Variants in UGT2B7 observed in about 807,000 individuals in gnomAD.
The protein encoded by UGT2B7 is UDP-glucuronosyltransferase 2B7.
Under a neutral mutation model 51.9 loss-of-function variants are expected in UGT2B7, and 51 were observed. That is an observed-to-expected ratio of 0.98 (90% CI 0.78 to 1.24). UGT2B7 has a LOEUF of 1.24. UGT2B7 is among the 50% of genes most tolerant of loss of function. UGT2B7 has a pLI of 0.00. For missense variants in UGT2B7, 727 were observed against 628.4 expected, an observed-to-expected ratio of 1.16 and a Z score of -1.68; for synonymous variants, 225 against 211.6, an observed-to-expected ratio of 1.06 and a Z score of -0.55.
chr4:69,060,928 C>T (rs902943899), intron 1 of UGT2B7, among the ~76,000 whole-genome samples: 3 of 152,164 alleles, frequency 2.0e-5, no homozygotes, highest in Non-Finnish European at 2.9e-5. Flanking sequence ...GCCAGGAAGC[C>T]CCCTTCATTG....
At chr4:69,102,961 T>C in intron 3 of UGT2B7, 23 bp downstream of exon 3, 1 of 1,604,048 alleles carries the variant, frequency 6.2e-7, no homozygotes, top group Non-Finnish European at 8.5e-7. Flanking sequence ...GCCTTACTGG[T>C]GTGGAAAACT....
chr4:69,087,134 C>G (rs181403504), intron 1 of UGT2B7, among the ~76,000 whole-genome samples: 2 of 151,738 alleles, frequency 1.3e-5, no homozygotes, highest in Admixed American at 6.6e-5. Flanking sequence ...CTCTCTGTCT[C>G]TCTCTCTCTG....
intron 1 of UGT2B7, among the ~76,000 whole-genome samples, chr4:69,078,800 G>A (rs1301585043): frequency 6.6e-6 from 1 of 152,090 alleles, no homozygotes; most frequent in African/African-American, 2.4e-5. Flanking sequence ...TATGGAAGGT[G>A]GGGACAAGTG....
intron 1 of UGT2B7, among the ~76,000 whole-genome samples, chr4:69,085,408 G>A (rs1042725061): frequency 1.3e-5 from 2 of 152,062 alleles, no homozygotes; most frequent in African/African-American, 4.8e-5. Flanking sequence ...CTCCCTTTCT[G>A]TAGGTTTCCT....
At chr4:69,086,819 A>T (rs1577916682) in intron 1 of UGT2B7, among the ~76,000 whole-genome samples, 1 of 151,820 alleles carries the variant, frequency 6.6e-6, no homozygotes, top group Non-Finnish European at 1.5e-5. Context: ...CATGAAACAA[A>T]TTTTTCTATT....
intron 5 of UGT2B7, among the ~76,000 whole-genome samples, chr4:69,108,912 G>A (rs1010426332): frequency 2.6e-5 from 4 of 151,928 alleles, no homozygotes; most frequent in African/African-American, 4.8e-5. Context: ...TCCTATGACC[G>A]CTTAGCCCTG....
intron 5 of UGT2B7, among the ~76,000 whole-genome samples, chr4:69,108,888 A>T (rs1180717713): frequency 6.6e-6 from 1 of 152,096 alleles, no homozygotes; most frequent in Non-Finnish European, 1.5e-5. Flanking sequence ...AACTGCAATG[A>T]CACAGAAGTC....
intron 1 of UGT2B7, among the ~76,000 whole-genome samples, chr4:69,074,541 T>C (rs1425361972): frequency 6.6e-6 from 1 of 151,656 alleles, no homozygotes; most frequent in Admixed American, 6.6e-5. Flanking sequence ...TTTCCTCATA[T>C]GGTTTTCTTG....
At chr4:69,098,722 C>A in intron 2 of UGT2B7, 34 bp downstream of exon 2, 1 of 1,599,176 alleles carries the variant, frequency 6.3e-7, no homozygotes, top group Non-Finnish European at 8.5e-7. Context: ...ATTTTGTTGG[C>A]TTTGAATTTT....
Position 69,097,177 on chromosome 4 carries a change from C to T in UGT2B7, c.657C>T (p.Tyr219=). ...TAAAAAATATGATCTATGTGCTTTACTTTGACTTTTGGTTCGAAATATTTG... is the reference window on the plus strand; with the variant it reads ...TAAAAAATATGATCTATGTGCTTTATTTTGACTTTTGGTTCGAAATATTTG... The part of the protein sequence containing the change: ...ERVKNMIYVL[Y]FDFWFEIFDM... The change falls in exon 1 of 6, where the codon TAC becomes TAT. Residue 219 remains tyrosine (Y), a synonymous_variant. Transcript: ENST00000305231. The T allele has an allele frequency of 6.2e-7, 1 of 1,612,878 alleles. No individual in the cohort carries two copies. Among genetic ancestry groups the T allele is most frequent in the Non-Finnish European group, 8.5e-7 (1 of 1,179,424 alleles).
intron 1 of UGT2B7, among the ~76,000 whole-genome samples, chr4:69,059,730 A>C (rs1040193187): frequency 2.0e-5 from 3 of 152,196 alleles, no homozygotes; most frequent in Admixed American, 2.0e-4. Flanking sequence ...ACATGGAATC[A>C]TAGTCAAATG....
At chr4:69,083,551 T>C (rs1386405498) in intron 1 of UGT2B7, among the ~76,000 whole-genome samples, 1 of 152,132 alleles carries the variant, frequency 6.6e-6, no homozygotes, top group Non-Finnish European at 1.5e-5. Flanking sequence ...TGTGTTTTAT[T>C]CCATTTCTTT....
At chr4:69,061,671 C>T (rs1718350510) in intron 1 of UGT2B7, among the ~76,000 whole-genome samples, 2 of 152,152 alleles carry the variant, frequency 1.3e-5, no homozygotes, top group Admixed American at 1.3e-4. Flanking sequence ...AAAAACGGTG[C>T]TAGAGACATG....
At chr4:69,104,904 G>A (rs548295106) in intron 3 of UGT2B7, among the ~76,000 whole-genome samples, 2 of 152,286 alleles carry the variant, frequency 1.3e-5, no homozygotes, top group East Asian at 3.9e-4. Context: ...TGTACTTCCT[G>A]TACATTTTGG....
intron 1 of UGT2B7, among the ~76,000 whole-genome samples, chr4:69,065,970 T>C (rs1234795905): frequency 6.6e-6 from 1 of 152,306 alleles, no homozygotes; most frequent in South Asian, 2.1e-4. Context: ...CATGATTGTA[T>C]TTAACTTGAC....
Position 69,112,552 on chromosome 4 carries a change from G to T in UGT2B7, c.1406G>T (p.Arg469Leu). ...GTCTTCTGGATTGAATTTGTCATGC[G>T]CCACAAAGGAGCTAAACACCTTCGG... ...RAVFWIEFVMRHKGAKHLRVA... is the reference protein window; with the variant it reads ...RAVFWIEFVMLHKGAKHLRVA... Residue 469 changes from arginine (R) to leucine (L), a missense_variant, in exon 6 of 6, where the codon CGC becomes CTC. Coordinates refer to ENST00000305231, the MANE Select transcript of UGT2B7 (RefSeq NM_001074.4). 6.2e-7 allele frequency: 1 copy of T among 1,613,820 alleles called. No homozygotes were observed. The highest frequency in any genetic ancestry group is 8.5e-7 in the Non-Finnish European group (1 of 1,179,836).
rs2109894112 is a variant in UGT2B7 at position 69,108,304 on chromosome 4, G to C, written c.1292G>C (p.Arg431Thr). Residue 431 changes from arginine (R) to threonine (T), a missense_variant, in exon 5 of 6, where the codon AGA (arginine) becomes ACA (threonine). Coordinates refer to ENST00000305231, the MANE Select transcript of UGT2B7 (RefSeq NM_001074.4). The stretch of plus-strand genomic sequence containing the variant: ...ACAGACTTGCTGAATGCATTGAAGA[G>C]AGTAATTAATGATCCTTCGTGAGTA... The part of the protein sequence containing the change: ...SSTDLLNALK[R>T]VINDPSYKEN... The C allele has an allele frequency of 1.9e-6, 3 of 1,613,434 alleles. No homozygotes were observed. Among genetic ancestry groups the C allele is most frequent in the Non-Finnish European group, 2.5e-6 (3 of 1,179,516 alleles).
chr4:69,106,866 T>C (rs1287827789), intron 3 of UGT2B7, among the ~76,000 whole-genome samples: 1 of 151,924 alleles, frequency 6.6e-6, no homozygotes, highest in Non-Finnish European at 1.5e-5. Context: ...TTTCTTTTTT[T>C]TTTTCATATG....
chr4:69,062,799 C>T (rs1363013692), intron 1 of UGT2B7, among the ~76,000 whole-genome samples: 1 of 152,170 alleles, frequency 6.6e-6, no homozygotes, highest in African/African-American at 2.4e-5. Flanking sequence ...ACGGCCGAAG[C>T]TTGAAGAATC....
Sources: allele counts gnomAD v4.1 joint callset (sites outside exome capture counted in the v4.1 genomes callset), GRCh38; gene constraint gnomAD v4.1.1; transcripts MANE v1.5; gene names NCBI Gene and HGNC (gene_info 2026-07-23, HGNC 2026-07-21).